RHEB: variants seen among roughly 807,000 people sequenced by gnomAD.
RHEB encodes the protein Ras homolog, mTORC1 binding.
A neutral mutation model predicts 28.8 loss-of-function variants in RHEB; 2 were observed. The observed-to-expected ratio is 0.07, with a 90% CI of 0.03 to 0.22. The LOEUF is 0.22. Ranked by LOEUF, RHEB falls within the 10% of genes least tolerant of loss-of-function variation. The probability of loss-of-function intolerance (pLI) is 1.00; values close to 1 mark genes in which losing one functional copy is unlikely to be tolerated. For missense variants in RHEB, 76 were observed against 219.9 expected (o/e 0.35, Z 4.14); for synonymous variants, 69 against 77.3 (o/e 0.89, Z 0.56).
At position 151,476,161 on chromosome 7, in the gene RHEB, C is replaced by T. The variant is rs139050757; in HGVS notation, c.275+1172G>A. Among the ~76,000 whole-genome samples, 136 of 152,286 alleles carry T rather than the reference C, an allele frequency of 8.9e-4. No individual in the cohort carries two copies. The East Asian group carries it at 0.017, about 19-fold the overall frequency. Reference sequence around the variant, plus strand: ...GTACTCAAACATTTTATAGCTAGAACTCAACACCCTAAAGTATGTTTCTCT... The same window carrying T: ...GTACTCAAACATTTTATAGCTAGAATTCAACACCCTAAAGTATGTTTCTCT... On this transcript the variant is annotated intron_variant, in intron 4 of 7. Transcript: ENST00000262187.
chr7:151,495,866 TCG>T (rs1802663478), intron 1 of RHEB, among the ~76,000 whole-genome samples: 1 of 152,166 alleles, frequency 6.6e-6, no homozygotes, highest in South Asian at 2.1e-4. Flanking sequence ...TGTAGGAGGA[TCG>T]CTTGAGCCGA....
chr7:151,501,829 CA>C, intron 1 of RHEB: 1 of 464,768 alleles, frequency 2.2e-6, no homozygotes, highest in East Asian at 5.0e-5. Context: ...GGTGTCCTAC[CA>C]GCCGCTGCTG....
chr7:151,471,723 T>C, intron 4 of RHEB, 118 bp from the exon 5 acceptor site: 3 of 677,050 alleles, frequency 4.4e-6, no homozygotes. Context: ...TAACATAACA[T>C]AAAATGAACA....
At chr7:151,474,587 T>C (rs192816531) in intron 4 of RHEB, among the ~76,000 whole-genome samples, 1 of 152,330 alleles carries the variant, frequency 6.6e-6, no homozygotes, top group African/African-American at 2.4e-5. Context: ...GTGAAGTAAC[T>C]TGTCCAAAGT....
intron 1 of RHEB, among the ~76,000 whole-genome samples, chr7:151,496,907 G>A (rs1802682758): frequency 6.7e-6 from 1 of 149,854 alleles, no homozygotes; most frequent in Admixed American, 6.6e-5. Context: ...AGCCTCCCAA[G>A]TAGCTGGGAC....
rs1204585537 is a variant in RHEB at position 151,491,423 on chromosome 7, T to A, written c.53-409A>T. On this transcript the variant is annotated intron_variant, in intron 1 of 7. Transcript: ENST00000262187. ...ATTCATATATGACGGTTAGAAGTGTTACCAAGTACAGCTTTTAAAAAGAGT... is the reference window on the plus strand; with the variant it reads ...ATTCATATATGACGGTTAGAAGTGTAACCAAGTACAGCTTTTAAAAAGAGT... Among the ~76,000 whole-genome samples, 2 of 152,210 alleles carry A rather than the reference T, an allele frequency of 1.3e-5. 1 individual carries two copies. The highest frequency in any genetic ancestry group is 2.9e-5 in the Non-Finnish European group (2 of 68,038).
chr7:151,503,050 G>A (rs2150935044), intron 1 of RHEB: 4 of 789,132 alleles, frequency 5.1e-6, no homozygotes, highest in East Asian at 2.4e-5. Flanking sequence ...CCCAGGACAC[G>A]CGAAAGTACT....
intron 1 of RHEB, among the ~76,000 whole-genome samples, chr7:151,507,309 C>A (rs1467012988): frequency 6.6e-6 from 1 of 152,138 alleles, no homozygotes; most frequent in Admixed American, 6.5e-5. Context: ...ATGTGTAGCT[C>A]CCCCTATGGC....
chr7:151,480,355 T>A (rs544985940), intron 3 of RHEB, among the ~76,000 whole-genome samples: 1 of 151,820 alleles, frequency 6.6e-6, no homozygotes, highest in East Asian at 1.9e-4. Context: ...TATGGAATAA[T>A]CTCCAAGAGG....
chr7:151,496,346 C>G (rs1802673625), intron 1 of RHEB, among the ~76,000 whole-genome samples: 1 of 152,158 alleles, frequency 6.6e-6, no homozygotes, highest in Admixed American at 6.5e-5. Flanking sequence ...ACAGTATTCC[C>G]CAGTGGTCTC....
chr7:151,491,812 C>A (rs1259615234), intron 1 of RHEB, among the ~76,000 whole-genome samples: 1 of 151,930 alleles, frequency 6.6e-6, no homozygotes, highest in Non-Finnish European at 1.5e-5. Flanking sequence ...GCTAGAAATC[C>A]TATGTCATTC....
chr7:151,498,811 A>C (rs1195446012), intron 1 of RHEB, among the ~76,000 whole-genome samples: 1 of 152,190 alleles, frequency 6.6e-6, no homozygotes, highest in Non-Finnish European at 1.5e-5. Flanking sequence ...GAATAAGATT[A>C]ACTCTCCAGT....
chr7:151,502,192 C>T lies in RHEB; in HGVS notation c.53-11178G>A, dbSNP rs529309674. 552 of 453,920 alleles carry T rather than the reference C, an allele frequency of 1.2e-3. 2 individuals carry two copies. Among genetic ancestry groups the T allele is most frequent in the Admixed American group, 2.3e-3 (59 of 25,838 alleles). The allele number at this position is 453,920 out of a possible 1,614,324, so 28.1% of individuals were successfully genotyped here. A position where few individuals can be genotyped will look rare whatever the true frequency, so the allele number is the denominator to read the frequency against. On this transcript the variant is annotated intron_variant, in intron 1 of 7. Coordinates refer to ENST00000262187, the MANE Select transcript of RHEB (RefSeq NM_005614.4). The stretch of plus-strand genomic sequence containing the variant: ...CTTATGTGGCAGTGAGGCAAGATCA[C>T]GCCACTGTACTCCAGCCTGGGCGAC...
At chr7:151,483,397 T>A (rs1441093693) in intron 3 of RHEB, among the ~76,000 whole-genome samples, 1 of 152,168 alleles carries the variant, frequency 6.6e-6, no homozygotes, top group Non-Finnish European at 1.5e-5. Context: ...ACACTCACCC[T>A]CCTGCTACTC....
In RHEB at chr7:151,470,795, A is replaced by G. The variant is rs1301700393; in HGVS notation, c.381-143T>C. On this transcript the variant is annotated intron_variant, in intron 6 of 7. Coordinates refer to ENST00000262187, the MANE Select transcript of RHEB (RefSeq NM_005614.4). ...ATGCCCTGGCCTAACATTAGCATCA[A>G]GAATGTAACACAGGAGTGTTTTAAT... 1.7e-5 allele frequency: 10 copies of G among 596,580 alleles called. No individual in the cohort carries two copies. In the East Asian group the frequency reaches 2.0e-4, roughly 12 times the overall value. The allele number at this position is 596,580 out of a possible 1,614,324, so 37.0% of individuals were successfully genotyped here. A position where few individuals can be genotyped will look rare whatever the true frequency, so the allele number is the denominator to read the frequency against.
At position 151,472,272 on chromosome 7, in the gene RHEB, C is replaced by T. The variant is rs1195065707; in HGVS notation, c.276-667G>A. Reference sequence around the variant, plus strand: ...TAGAATCTGACGGCTTCTCACTCCCCTCCACTGCTGCCGCTGAGGTGTGAA... The same window carrying T: ...TAGAATCTGACGGCTTCTCACTCCCTTCCACTGCTGCCGCTGAGGTGTGAA... On this transcript the variant is annotated intron_variant, in intron 4 of 7. Transcript: ENST00000262187. This position sits in a 1 kb window ranked among gnomAD's most constrained non-coding sequence, Gnocchi z 5.2. Among the ~76,000 whole-genome samples, 8 of 152,318 alleles carry T rather than the reference C, an allele frequency of 5.3e-5. No individual in the cohort carries two copies. In the South Asian group the frequency reaches 1.7e-3, roughly 32 times the overall value.
In RHEB at chr7:151,477,306, A is replaced by G. The variant is rs376817090; in HGVS notation, c.275+27T>C. On this transcript the variant is annotated intron_variant, in intron 4 of 7. Coordinates refer to ENST00000262187, the MANE Select transcript of RHEB (RefSeq NM_005614.4). ...CAATGTTATCTATGAGTAGCAAATC[A>G]ACTCAAGCAGGCAGCAGGAGTCTTA... 7 of 1,322,040 alleles carry G rather than the reference A, an allele frequency of 5.3e-6. No homozygotes were observed. In the African/African-American group the frequency reaches 1.0e-4, roughly 19 times the overall value. The allele number at this position is 1,322,040 out of a possible 1,614,324, so 81.9% of individuals were successfully genotyped here.
intron 7 of RHEB, among the ~76,000 whole-genome samples, chr7:151,469,815 A>G (rs1167597585): frequency 6.6e-6 from 1 of 152,188 alleles, no homozygotes; most frequent in Non-Finnish European, 1.5e-5. Context: ...AAAAGAACAA[A>G]TTATTGACTG....
chr7:151,502,525 T>C (rs1310466581), intron 1 of RHEB: 1 of 1,004,892 alleles, frequency 1.0e-6, no homozygotes, highest in Non-Finnish European at 1.6e-6. Flanking sequence ...ACGTTGACTT[T>C]GAATCTTTCA....
Sources: allele counts gnomAD v4.1 joint callset (sites outside exome capture counted in the v4.1 genomes callset), GRCh38; gene constraint gnomAD v4.1.1; non-coding constraint Gnocchi (gnomAD v3.1); transcripts MANE v1.5; gene names NCBI Gene and HGNC (gene_info 2026-07-23, HGNC 2026-07-21).